PDE4D: variants seen among roughly 807,000 people sequenced by gnomAD.
PDE4D encodes the protein 3',5'-cyclic-AMP phosphodiesterase 4D.
PDE4D carries 24 observed loss-of-function variants against 87.4 expected under a neutral mutation model. The ratio of observed to expected loss-of-function variants is 0.27; its 90% CI spans 0.20 to 0.39. PDE4D has a LOEUF of 0.39. Among genes scored for constraint, PDE4D ranks in the 10% least tolerant of loss-of-function variants. PDE4D has a pLI of 1.00. For missense variants in PDE4D, 714 were observed against 1,041.0 expected, an observed-to-expected ratio of 0.69 and a Z score of 4.32; for synonymous variants, 384 against 383.2, an observed-to-expected ratio of 1.00 and a Z score of -0.02.
intron 1 of PDE4D, among the ~76,000 whole-genome samples, chr5:60,227,823 T>G (rs1745307090): frequency 1.3e-5 from 2 of 152,122 alleles, no homozygotes; most frequent in African/African-American, 4.8e-5. Flanking sequence ...AATATTTCAG[T>G]GCTATTCTAT....
At chr5:59,757,661 GC>G (rs1404829582) in intron 1 of PDE4D, among the ~76,000 whole-genome samples, 2 of 152,138 alleles carry the variant, frequency 1.3e-5, no homozygotes, top group Non-Finnish European at 2.9e-5. Context: ...ACTTGAACTA[GC>G]CGGCCATCAT....
intron 1 of PDE4D, among the ~76,000 whole-genome samples, chr5:60,440,174 G>C (rs1745089162): frequency 6.6e-6 from 1 of 152,124 alleles, no homozygotes; most frequent in Non-Finnish European, 1.5e-5. Flanking sequence ...GGATGAGTGA[G>C]AGGTACTAAT....
chr5:59,893,357 C>A lies in PDE4D; in HGVS notation c.266G>T (p.Gly89Val), dbSNP rs1412182087. ...PPLPPPPPPP[G>V]AARGRYASSG... ...CGAGGCGTAGCGGCCGCGGGCAGCC[C>A]CGGGCGGCGGCGGGGGCGGCGGCAG... The change falls in exon 1 of 15, where the codon GGG becomes GTG. Residue 89 changes from glycine to valine, a missense_variant. By Grantham distance (109) the Gly-to-Val change is moderately radical. Coordinates refer to ENST00000340635, the MANE Select transcript of PDE4D (RefSeq NM_001104631.2). 2 of 1,273,754 alleles carry A rather than the reference C, an allele frequency of 1.6e-6. No homozygotes were observed. 78.9% of individuals were successfully genotyped at this position (1,273,754 alleles called of 1,614,324 possible).
intron 5 of PDE4D, among the ~76,000 whole-genome samples, chr5:59,153,752 G>GTTT (rs34209888): frequency 6.7e-6 from 1 of 149,072 alleles, no homozygotes; most frequent in East Asian, 2.0e-4. Flanking sequence ...GGTGGGCAGG[G>GTTT]TTTTTTTTTT....
At chr5:59,610,360 C>G (rs1828824072) in intron 1 of PDE4D, among the ~76,000 whole-genome samples, 1 of 152,098 alleles carries the variant, frequency 6.6e-6, no homozygotes, top group Non-Finnish European at 1.5e-5. Flanking sequence ...CATCTAAAAC[C>G]CTATTACTTC....
In PDE4D at chr5:59,115,974, C is replaced by G. The variant is rs184049862; in HGVS notation, c.808+64621G>C. Among the ~76,000 whole-genome samples, 49 of 152,264 alleles carry G rather than the reference C, an allele frequency of 3.2e-4. No individual in the cohort carries two copies. In the East Asian group the frequency reaches 8.7e-3, roughly 27 times the overall value. ...TAGATCCCCAACAATGTAAATCTCACAATCTTCTGGCAGATTTATAATTAT... is the reference window on the plus strand; with the variant it reads ...TAGATCCCCAACAATGTAAATCTCAGAATCTTCTGGCAGATTTATAATTAT... On this transcript the variant is annotated intron_variant, in intron 5 of 14. Coordinates refer to ENST00000340635, the MANE Select transcript of PDE4D (RefSeq NM_001104631.2).
chr5:60,218,610 A>G (rs895825514), intron 1 of PDE4D, among the ~76,000 whole-genome samples: 4 of 152,108 alleles, frequency 2.6e-5, no homozygotes, highest in Middle Eastern at 3.2e-3. Context: ...AGAGAATGGA[A>G]TTGAGAATCA....
At chr5:59,157,023 A>AT in intron 5 of PDE4D, 1 of 246,740 alleles carries the variant, frequency 4.1e-6, no homozygotes, top group Non-Finnish European at 7.7e-6. Flanking sequence ...TTAAAAAAAA[A>AT]AAAAGGCAAA....
chr5:59,806,342 G>A (rs1034004907), intron 1 of PDE4D, among the ~76,000 whole-genome samples: 2 of 152,196 alleles, frequency 1.3e-5, no homozygotes, highest in African/African-American at 4.8e-5. Flanking sequence ...TGTTGTCACT[G>A]ATGTCCCTAG....
chr5:59,610,512 C>G (rs186140068), intron 1 of PDE4D, among the ~76,000 whole-genome samples: 1 of 152,266 alleles, frequency 6.6e-6, no homozygotes, highest in East Asian at 1.9e-4. Context: ...TGGTCTAGAA[C>G]AGATTAATCT....
At chr5:60,212,721 G>A (rs1743394380) in intron 1 of PDE4D, among the ~76,000 whole-genome samples, 1 of 152,198 alleles carries the variant, frequency 6.6e-6, no homozygotes, top group Admixed American at 6.5e-5. Flanking sequence ...ACTTAAAGTT[G>A]TATGTGTCAA....
At chr5:59,073,519 G>C (rs1301149051) in intron 5 of PDE4D, among the ~76,000 whole-genome samples, 3 of 128,180 alleles carry the variant, frequency 2.3e-5, no homozygotes, top group Non-Finnish European at 5.2e-5. Flanking sequence ...GGGGGGGCGG[G>C]TGGTTGGAGA....
intron 1 of PDE4D, among the ~76,000 whole-genome samples, chr5:59,460,816 C>T (rs1306425946): frequency 6.6e-6 from 1 of 152,146 alleles, no homozygotes; most frequent in East Asian, 1.9e-4. Context: ...GGCAGATTCC[C>T]CTTTACATTC....
intron 2 of PDE4D, among the ~76,000 whole-genome samples, chr5:59,209,448 A>G (rs148886159): frequency 3.7e-4 from 57 of 152,222 alleles, no homozygotes; most frequent in African/African-American, 1.3e-3. Flanking sequence ...GGCCTCCCAA[A>G]TTGCCAGGAT....
At chr5:60,452,881 T>C (rs1291172294) in intron 1 of PDE4D, among the ~76,000 whole-genome samples, 1 of 152,138 alleles carries the variant, frequency 6.6e-6, no homozygotes, top group Admixed American at 6.6e-5. Context: ...ACGTAAAATG[T>C]GGCCAGATTT....
chr5:59,646,013 A>G (rs1742377952), intron 1 of PDE4D, among the ~76,000 whole-genome samples: 1 of 152,242 alleles, frequency 6.6e-6, no homozygotes, highest in South Asian at 2.1e-4. Context: ...ATAAGCAACC[A>G]AAACTACAGA....
intron 1 of PDE4D, among the ~76,000 whole-genome samples, chr5:59,417,813 T>A (rs1395516546): frequency 1.3e-5 from 2 of 152,336 alleles, no homozygotes; most frequent in East Asian, 3.9e-4. Flanking sequence ...GATGTAATAG[T>A]AGGGCAGATC....
At chr5:58,978,422 A>T (rs995022968) in intron 11 of PDE4D, among the ~76,000 whole-genome samples, 4 of 151,256 alleles carry the variant, frequency 2.6e-5, no homozygotes, top group Non-Finnish European at 4.4e-5. Flanking sequence ...TTTCAAAAAG[A>T]AAAGAAAAGA....
At chr5:59,420,684 C>T (rs1794327820) in intron 1 of PDE4D, among the ~76,000 whole-genome samples, 1 of 96,870 alleles carries the variant, frequency 1.0e-5, no homozygotes, top group African/African-American at 3.6e-5. Flanking sequence ...TGGATTACTG[C>T]ACAAGAAAAA....
Sources: allele counts gnomAD v4.1 joint callset (sites outside exome capture counted in the v4.1 genomes callset), GRCh38; gene constraint gnomAD v4.1.1; transcripts MANE v1.5; gene names NCBI Gene and HGNC (gene_info 2026-07-23, HGNC 2026-07-21).